CHST9: variants seen among roughly 807,000 people sequenced by gnomAD.
The protein encoded by CHST9 is GalNAc-4-sulfotransferase 2.
A neutral mutation model predicts 44.4 loss-of-function variants in CHST9; 41 were observed. That is an observed-to-expected ratio of 0.92 (90% CI 0.72 to 1.20). CHST9 has a LOEUF of 1.20. CHST9 is among the 50% of genes most tolerant of loss of function. The pLI is 0.00. For missense variants in CHST9, 504 were observed against 516.5 expected (o/e 0.98, Z 0.23); for synonymous variants, 171 against 178.4 (o/e 0.96, Z 0.33).
intron 2 of CHST9, among the ~76,000 whole-genome samples, chr18:27,122,943 T>A (rs941177614): frequency 2.6e-5 from 4 of 152,190 alleles, no homozygotes; most frequent in Non-Finnish European, 4.4e-5. Context: ...TATAACTTCC[T>A]CATGGTTTAG....
intron 3 of CHST9, among the ~76,000 whole-genome samples, chr18:27,028,184 G>A (rs1344962098): frequency 6.6e-6 from 1 of 152,146 alleles, no homozygotes; most frequent in East Asian, 1.9e-4. Flanking sequence ...AAAGTGCTGG[G>A]ATTACAGATG....
At chr18:27,066,311 G>A (rs1344159511) in intron 2 of CHST9, among the ~76,000 whole-genome samples, 1 of 152,108 alleles carries the variant, frequency 6.6e-6, no homozygotes, top group African/African-American at 2.4e-5. Context: ...GTCCTCTCTG[G>A]ACTTCCATCT....
intron 4 of CHST9, among the ~76,000 whole-genome samples, chr18:27,008,897 G>A (rs144282196): frequency 2.1e-5 from 3 of 145,784 alleles, no homozygotes; most frequent in Non-Finnish European, 3.0e-5. Context: ...TGTTTTTTTG[G>A]TTCTGTTCTG....
At chr18:27,056,836 C>CT (rs748740632) in intron 2 of CHST9, among the ~76,000 whole-genome samples, 17 of 152,162 alleles carry the variant, frequency 1.1e-4, no homozygotes, top group African/African-American at 1.9e-4. Flanking sequence ...CTCTTCCCTT[C>CT]TTTTTGTTTC....
At chr18:27,097,193 T>C (rs1241704026) in intron 2 of CHST9, among the ~76,000 whole-genome samples, 3 of 151,968 alleles carry the variant, frequency 2.0e-5, no homozygotes, top group Admixed American at 6.6e-5. Context: ...TCTCAATAGA[T>C]GCAGAAATAG....
intron 4 of CHST9, among the ~76,000 whole-genome samples, chr18:27,009,977 T>C (rs914775238): frequency 6.6e-5 from 10 of 152,156 alleles, no homozygotes; most frequent in Non-Finnish European, 1.3e-4. Context: ...AGTAAAAAGG[T>C]AATACTTTTG....
intron 2 of CHST9, among the ~76,000 whole-genome samples, chr18:27,094,616 G>A (rs1306766209): frequency 6.6e-6 from 1 of 152,170 alleles, no homozygotes; most frequent in Non-Finnish European, 1.5e-5. Flanking sequence ...ATATCAAAGA[G>A]AGATTTCAGG....
intron 2 of CHST9, among the ~76,000 whole-genome samples, chr18:27,128,966 A>G (rs1012350686): frequency 6.6e-6 from 1 of 151,916 alleles, no homozygotes. Context: ...CCTATGTTCT[A>G]GGCCCTGTGG....
Position 27,000,622 on chromosome 18 carries a change from GTCTATCTA to G in CHST9, c.202+23486_202+23493del, listed in dbSNP as rs6146241. On this transcript the variant is annotated intron_variant, in intron 4 of 5. Transcript: ENST00000618847. ...TTTCTCTCCATCATTTATTTGTTTT[GTCTATCTA>G]TCTATCTATCTATCTATCTATCTAT... Among the ~76,000 whole-genome samples the G allele has an allele frequency of 1.3e-3, 199 of 147,608 alleles. 1 individual carries two copies. The highest frequency in any genetic ancestry group is 1.0e-3 in the Non-Finnish European group (68 of 66,388).
intron 2 of CHST9, among the ~76,000 whole-genome samples, chr18:27,134,953 C>A (rs1860594002): frequency 6.6e-6 from 1 of 152,116 alleles, no homozygotes; most frequent in African/African-American, 2.4e-5. Context: ...ACAATTACAT[C>A]AAGACATCTA....
chr18:27,136,097 T>C (rs1045504501), intron 2 of CHST9, among the ~76,000 whole-genome samples: 4 of 152,234 alleles, frequency 2.6e-5, no homozygotes, highest in African/African-American at 7.2e-5. Flanking sequence ...CCCAACAGTC[T>C]GTTTTAACCA....
At chr18:27,145,372 T>C (rs1786031159) in intron 1 of CHST9, among the ~76,000 whole-genome samples, 1 of 152,114 alleles carries the variant, frequency 6.6e-6, no homozygotes, top group Non-Finnish European at 1.5e-5. Flanking sequence ...TTAGTAGAGA[T>C]GGAGTTTCAC....
chr18:26,954,741 T>A (rs957174032), intron 4 of CHST9, among the ~76,000 whole-genome samples: 1 of 152,192 alleles, frequency 6.6e-6, no homozygotes, highest in Non-Finnish European at 1.5e-5. Flanking sequence ...GATCTCAGCC[T>A]ATTGTTTCTT....
chr18:27,027,802 T>C (rs2057298798), intron 3 of CHST9, among the ~76,000 whole-genome samples: 1 of 152,212 alleles, frequency 6.6e-6, no homozygotes, highest in South Asian at 2.1e-4. Context: ...TTAAAGTAGA[T>C]TGAAAAAGGC....
At chr18:27,155,099 A>G (rs1250812326) in intron 1 of CHST9, among the ~76,000 whole-genome samples, 2 of 141,940 alleles carry the variant, frequency 1.4e-5, no homozygotes, top group African/African-American at 5.0e-5. Flanking sequence ...AAAAAAAAAA[A>G]AAAAAAAGAA....
chr18:27,094,568 T>A (rs1243449121), intron 2 of CHST9, among the ~76,000 whole-genome samples: 1 of 152,310 alleles, frequency 6.6e-6, no homozygotes, highest in East Asian at 1.9e-4. Context: ...ACATGAAACG[T>A]TAGCAATGAA....
intron 1 of CHST9, among the ~76,000 whole-genome samples, chr18:27,178,923 T>C (rs982878697): frequency 7.2e-5 from 11 of 152,168 alleles, no homozygotes; most frequent in Non-Finnish European, 1.5e-4. Context: ...AGTTCTTTTT[T>C]GCATAAGCAT....
intron 2 of CHST9, among the ~76,000 whole-genome samples, chr18:27,137,057 T>C (rs185905376): frequency 5.7e-4 from 87 of 152,268 alleles, no homozygotes; most frequent in Non-Finnish European, 1.1e-3. Context: ...ACACAAGTTA[T>C]GAGCTCTCTG....
At chr18:27,059,978 G>A (rs951378972) in intron 2 of CHST9, among the ~76,000 whole-genome samples, 1 of 152,196 alleles carries the variant, frequency 6.6e-6, no homozygotes, top group African/African-American at 2.4e-5. Flanking sequence ...TACTTTGTAA[G>A]CTTGTAAAGA....
Sources: allele counts gnomAD v4.1 joint callset (sites outside exome capture counted in the v4.1 genomes callset), GRCh38; gene constraint gnomAD v4.1.1; transcripts MANE v1.5; gene names NCBI Gene and HGNC (gene_info 2026-07-23, HGNC 2026-07-21).